GRHL2: variants seen among roughly 807,000 people sequenced by gnomAD.
GRHL2 encodes the protein grainyhead like transcription factor 2.
In GRHL2, 21 loss-of-function variants were observed where a neutral mutation model predicts 83.8. The observed-to-expected ratio is 0.25, with a 90% CI of 0.18 to 0.36. The LOEUF is 0.36. GRHL2 is among the 10% of genes least tolerant of loss of function. GRHL2 has a pLI of 1.00. For missense variants in GRHL2, 623 were observed against 781.8 expected, an observed-to-expected ratio of 0.80 and a Z score of 2.42; for synonymous variants, 280 against 278.9, an observed-to-expected ratio of 1.00 and a Z score of -0.04.
In GRHL2 at chr8:101,598,581, ATTTTTTT is replaced by A. The variant is rs61519476; in HGVS notation, c.1004-453_1004-447del. On this transcript the variant is annotated intron_variant, in intron 7 of 15. Transcript: ENST00000646743. Reference sequence around the variant, plus strand: ...AAAAAGCTTTACTGTGGTCTCCTGAATTTTTTTTTTTTTTTTTTTTTTTTTTTTTACT... The same window carrying A: ...AAAAAGCTTTACTGTGGTCTCCTGAATTTTTTTTTTTTTTTTTTTTTTACT... Among the ~76,000 whole-genome samples the A allele has an allele frequency of 3.9e-3, 453 of 117,634 alleles. 6 individuals carry two copies. Among genetic ancestry groups the A allele is most frequent in the African/African-American group, 0.011 (370 of 35,032 alleles). The allele number at this position is 117,634 out of a possible 152,430, so 77.2% of individuals were successfully genotyped here.
At chr8:101,498,402 G>T (rs1290541785) in intron 1 of GRHL2, among the ~76,000 whole-genome samples, 1 of 152,214 alleles carries the variant, frequency 6.6e-6, no homozygotes, top group Non-Finnish European at 1.5e-5. Context: ...TTGCAGGCAT[G>T]AGCCGCCATG....
Position 101,492,563 on chromosome 8 carries a change from C to T in GRHL2, c.-207C>T, listed in dbSNP as rs141699759. On this transcript the variant is annotated 5_prime_UTR_variant, in exon 1 of 16. Coordinates refer to ENST00000646743, the MANE Select transcript of GRHL2 (RefSeq NM_024915.4). ...GCTCGGGCCCCATGTGAGGGGCCCC[C>T]CCTTATCCCACCTTTCCGGCTAGGT... 1.7e-3 allele frequency: 1,107 copies of T among 669,400 alleles called. 11 individuals carry two copies. The African/African-American group carries it at 0.017, about 10-fold the overall frequency. 41.5% of individuals were successfully genotyped at this position (669,400 alleles called of 1,614,324 possible). A position where few individuals can be genotyped will look rare whatever the true frequency, so the allele number is the denominator to read the frequency against.
intron 7 of GRHL2, among the ~76,000 whole-genome samples, chr8:101,582,804 C>T (rs184032604): frequency 6.6e-6 from 1 of 152,254 alleles, no homozygotes; most frequent in African/African-American, 2.4e-5. Context: ...ATCTTGGCTC[C>T]ACAAAGTCTT....
chr8:101,619,883 ATTT>A (rs11373924), intron 9 of GRHL2, among the ~76,000 whole-genome samples, 186 bp downstream of exon 9: 1 of 129,340 alleles, frequency 7.7e-6, no homozygotes, highest in African/African-American at 2.8e-5. Context: ...TCAGTCAACT[ATTT>A]TTTTTTTTTT....
At chr8:101,509,534 G>T (rs1810422051) in intron 1 of GRHL2, among the ~76,000 whole-genome samples, 1 of 152,140 alleles carries the variant, frequency 6.6e-6, no homozygotes, top group South Asian at 2.1e-4. Context: ...TCTTAAAAGT[G>T]TTGATGGCAT....
intron 14 of GRHL2, among the ~76,000 whole-genome samples, chr8:101,655,869 AC>A (rs1813774860): frequency 6.6e-6 from 1 of 152,126 alleles, no homozygotes; most frequent in Non-Finnish European, 1.5e-5. Context: ...AGTGATTTTT[AC>A]CTAGTAATCT....
At chr8:101,562,432 CA>C in intron 4 of GRHL2, 1 of 486,666 alleles carries the variant, frequency 2.1e-6, no homozygotes, top group Non-Finnish European at 3.7e-6. Context: ...GGACAAACGT[CA>C]TGCCGTGGCC....
At chr8:101,643,506 C>T (rs917980750) in intron 12 of GRHL2, among the ~76,000 whole-genome samples, 4 of 152,086 alleles carry the variant, frequency 2.6e-5, no homozygotes, top group African/African-American at 4.8e-5. Flanking sequence ...GCCTCAGCAC[C>T]GCAGGCTTCT....
chr8:101,549,709 A>C (rs1056183487), intron 2 of GRHL2, among the ~76,000 whole-genome samples: 3 of 152,008 alleles, frequency 2.0e-5, no homozygotes, highest in African/African-American at 7.2e-5. Flanking sequence ...ATCTCCCCCA[A>C]CTCATTCCTC....
chr8:101,556,970 AC>A (rs1563578668), intron 3 of GRHL2, among the ~76,000 whole-genome samples: 1 of 151,614 alleles, frequency 6.6e-6, no homozygotes, highest in Non-Finnish European at 1.5e-5. Flanking sequence ...AGTGTAATAA[AC>A]CCCCCAAATA....
At chr8:101,547,528 C>T (rs1390275348) in intron 2 of GRHL2, among the ~76,000 whole-genome samples, 1 of 152,178 alleles carries the variant, frequency 6.6e-6, no homozygotes, top group Non-Finnish European at 1.5e-5. Flanking sequence ...TTGCATAATA[C>T]TTCATAAATT....
At chr8:101,617,735 G>T (rs561104752) in intron 8 of GRHL2, among the ~76,000 whole-genome samples, 2 of 152,170 alleles carry the variant, frequency 1.3e-5, no homozygotes, top group East Asian at 3.9e-4. Context: ...AAACTCCTAA[G>T]CTCAGGTGAT....
intron 1 of GRHL2, among the ~76,000 whole-genome samples, chr8:101,535,858 TG>T (rs1811036121): frequency 1.3e-5 from 2 of 152,312 alleles, no homozygotes; most frequent in South Asian, 4.1e-4. Flanking sequence ...CAGTTTTCTT[TG>T]CATAGTCAGT....
At chr8:101,592,916 A>G (rs1374865105) in intron 7 of GRHL2, among the ~76,000 whole-genome samples, 3 of 152,190 alleles carry the variant, frequency 2.0e-5, no homozygotes, top group Non-Finnish European at 4.4e-5. Flanking sequence ...TTCGTTAGAA[A>G]GACTCCCATT....
chr8:101,504,516 C>G (rs1022010335), intron 1 of GRHL2, among the ~76,000 whole-genome samples: 15 of 152,108 alleles, frequency 9.9e-5, no homozygotes, highest in Non-Finnish European at 2.1e-4. Flanking sequence ...ACCTCAGACC[C>G]CGCCTGAATG....
At chr8:101,645,455 G>T (rs752472688) in intron 13 of GRHL2, among the ~76,000 whole-genome samples, 24 of 152,152 alleles carry the variant, frequency 1.6e-4, no homozygotes, top group Non-Finnish European at 3.1e-4. Context: ...ATCTGCATAG[G>T]CTTGAGTACT....
chr8:101,502,121 C>A (rs1425041616), intron 1 of GRHL2, among the ~76,000 whole-genome samples: 2 of 152,158 alleles, frequency 1.3e-5, no homozygotes, highest in African/African-American at 4.8e-5. Flanking sequence ...AAACAAGGAA[C>A]AAAGGTAGCT....
chr8:101,540,980 A>G (rs866898954), intron 1 of GRHL2, among the ~76,000 whole-genome samples: 2 of 152,154 alleles, frequency 1.3e-5, no homozygotes, highest in South Asian at 4.1e-4. Context: ...TTGCCTTTGC[A>G]TACCCATAGC....
rs150239237 is a variant in GRHL2 at position 101,493,561 on chromosome 8, C to T, written c.20+772C>T. On this transcript the variant is annotated intron_variant, in intron 1 of 15. Coordinates refer to ENST00000646743, the MANE Select transcript of GRHL2 (RefSeq NM_024915.4). ...GCCTCGAGTTAGGGCCTCGGCGGGG[C>T]GCGAAGGGGCGCCTGCCACTGAGCG... Among the ~76,000 whole-genome samples, 3,786 of 152,206 alleles carry T rather than the reference C, an allele frequency of 0.025. 78 individuals are homozygous for T. Among genetic ancestry groups the T allele is most frequent in the Middle Eastern group, 0.076 (22 of 290 alleles).
Sources: allele counts gnomAD v4.1 joint callset (sites outside exome capture counted in the v4.1 genomes callset), GRCh38; gene constraint gnomAD v4.1.1; transcripts MANE v1.5; gene names NCBI Gene and HGNC (gene_info 2026-07-23, HGNC 2026-07-21).